WDPCP: variants seen among roughly 807,000 people sequenced by gnomAD.
WDPCP encodes WD repeat-containing and planar cell polarity effector protein fritz homolog.
In WDPCP, 71 loss-of-function variants were observed where a neutral mutation model predicts 93.1. The ratio of observed to expected loss-of-function variants is 0.76; its 90% confidence interval spans 0.63 to 0.93. The LOEUF (loss-of-function observed/expected upper bound fraction) is 0.93, where lower values mean the gene tolerates loss of function less well. Among genes scored for constraint, WDPCP ranks in the 40% least tolerant of loss-of-function variants. The pLI is 0.00. For synonymous variants in WDPCP, 315 were observed against 315.0 expected (o/e 1.00, Z 0.00); for missense variants, 844 against 887.4 (o/e 0.95, Z 0.62).
In WDPCP at chr2:63,182,313, A is replaced by G. The variant is rs548621423; in HGVS notation, c.1916-7481T>C. ...TATATTGCTTTTATTATTTTGCAGT[A>G]TGTTCCCTCTATGCCTAGTTTGTTG... On this transcript the variant is annotated intron_variant, in intron 14 of 17. Transcript: ENST00000272321. 3.3e-5 allele frequency among the ~76,000 whole-genome samples: 5 copies of G among 152,180 alleles called. No individual in the cohort carries two copies. The Middle Eastern group carries it at 0.01, about 311-fold the overall frequency.
intron 3 of WDPCP, among the ~76,000 whole-genome samples, chr2:63,630,613 C>T (rs1709853938): frequency 6.6e-6 from 1 of 151,488 alleles, no homozygotes; most frequent in South Asian, 2.1e-4. Context: ...AACAGAGATG[C>T]AAAATATGTG....
At chr2:63,368,450 T>C (rs1163812298) in intron 12 of WDPCP, among the ~76,000 whole-genome samples, 3 of 151,882 alleles carry the variant, frequency 2.0e-5, no homozygotes, top group Non-Finnish European at 4.4e-5. Flanking sequence ...CTCAACCTCC[T>C]GAGTAGCTGG....
chr2:63,350,090 A>C (rs1689475065), intron 12 of WDPCP, among the ~76,000 whole-genome samples: 1 of 152,194 alleles, frequency 6.6e-6, no homozygotes, highest in Non-Finnish European at 1.5e-5. Context: ...GCACATATAC[A>C]CCATGGAATA....
At chr2:63,427,077 C>G (rs184173356) in intron 9 of WDPCP, among the ~76,000 whole-genome samples, 66 of 152,306 alleles carry the variant, frequency 4.3e-4, no homozygotes, top group Admixed American at 1.6e-3. Context: ...CACTGGAGCA[C>G]CCACATTCAT....
At chr2:63,542,827 T>A (rs1281866546) in intron 1 of WDPCP, among the ~76,000 whole-genome samples, 4 of 152,170 alleles carry the variant, frequency 2.6e-5, no homozygotes, top group Non-Finnish European at 5.9e-5. Context: ...CATATACATC[T>A]GTTTCACAAA....
intron 6 of WDPCP, among the ~76,000 whole-genome samples, chr2:63,481,847 A>C (rs1224076328): frequency 6.6e-6 from 1 of 151,976 alleles, no homozygotes; most frequent in Non-Finnish European, 1.5e-5. Flanking sequence ...CAAAGAACTT[A>C]TTCATGTAAC....
At chr2:63,838,598 A>G in the WDPCP span, among the ~76,000 whole-genome samples, 1 of 151,876 alleles carries the variant, frequency 6.6e-6, no homozygotes, top group Non-Finnish European at 1.5e-5. Context: ...CTGCAAAGGT[A>G]AAATCTATAA....
At chr2:63,335,031 A>G (rs1215149073) in intron 12 of WDPCP, among the ~76,000 whole-genome samples, 2 of 152,154 alleles carry the variant, frequency 1.3e-5, no homozygotes, top group African/African-American at 4.8e-5. Context: ...ACAAATGCAT[A>G]TCTGATTGCT....
chr2:63,757,811 A>G (rs1669991576), intron 2 of WDPCP, among the ~76,000 whole-genome samples: 1 of 152,208 alleles, frequency 6.6e-6, no homozygotes, highest in African/African-American at 2.4e-5. Flanking sequence ...TACCATAGCG[A>G]TCACAGAAAC....
chr2:63,372,605 T>C (rs1280268872), intron 12 of WDPCP, among the ~76,000 whole-genome samples: 1 of 152,192 alleles, frequency 6.6e-6, no homozygotes, highest in East Asian at 1.9e-4. Context: ...TTATACAGTA[T>C]TGTTCAAATC....
At chr2:63,520,443 C>T (rs1256084141) in intron 1 of WDPCP, among the ~76,000 whole-genome samples, 1 of 152,134 alleles carries the variant, frequency 6.6e-6, no homozygotes, top group East Asian at 1.9e-4. Flanking sequence ...TCATCAGATT[C>T]TCCAAGGTCA....
At chr2:63,395,637 C>G (rs996452022) in intron 10 of WDPCP, among the ~76,000 whole-genome samples, 1 of 152,024 alleles carries the variant, frequency 6.6e-6, no homozygotes, top group Non-Finnish European at 1.5e-5. Context: ...CTGAAAAGGG[C>G]CTTGAGAGAA....
At chr2:63,240,853 A>G (rs1354560267) in intron 14 of WDPCP, among the ~76,000 whole-genome samples, 2 of 152,208 alleles carry the variant, frequency 1.3e-5, no homozygotes, top group Non-Finnish European at 2.9e-5. Flanking sequence ...TCCACAGGAA[A>G]AGACCACTAC....
At chr2:63,442,031 A>G (rs1331628222) in intron 6 of WDPCP, 2 of 152,132 alleles carry the variant, frequency 1.3e-5, no homozygotes, top group Non-Finnish European at 2.9e-5. Context: ...TCAGAGTCTG[A>G]CTGAGAAGGA....
chr2:63,385,744 A>T (rs1171778309), intron 10 of WDPCP, among the ~76,000 whole-genome samples: 1 of 152,000 alleles, frequency 6.6e-6, no homozygotes, highest in Non-Finnish European at 1.5e-5. Context: ...AGGTGAAACA[A>T]GCCAGTTTCA....
intron 3 of WDPCP, among the ~76,000 whole-genome samples, chr2:63,601,608 T>G (rs1396046756): frequency 6.6e-6 from 1 of 152,214 alleles, no homozygotes; most frequent in Non-Finnish European, 1.5e-5. Context: ...ATTAAGAAAC[T>G]ATATCTGCTG....
Position 63,676,679 on chromosome 2 carries a change from G to A in WDPCP, n.309-25841C>T, listed in dbSNP as rs535154617. Among the ~76,000 whole-genome samples the A allele has an allele frequency of 4.6e-5, 7 of 152,272 alleles. No individual in the cohort carries two copies. The South Asian group carries it at 1.2e-3, about 27-fold the overall frequency. ...TTGCTAGGGGTTAGAAAAGAAAGAG[G>A]ATGGGTATGGCTATAAAGGAATAAC... On this transcript the variant is annotated intron_variant and non_coding_transcript_variant, in intron 2 of 4. Transcript: ENST00000467687.
chr2:63,214,467 G>A (rs957524784), intron 14 of WDPCP, among the ~76,000 whole-genome samples: 1 of 152,122 alleles, frequency 6.6e-6, no homozygotes, highest in African/African-American at 2.4e-5. Context: ...TTCATGGGAT[G>A]TATCTCAAAA....
chr2:63,793,626 A>G (rs1670575215), intron 2 of WDPCP, among the ~76,000 whole-genome samples: 1 of 152,144 alleles, frequency 6.6e-6, no homozygotes, highest in South Asian at 2.1e-4. Flanking sequence ...TAATAAAATA[A>G]TAAAATGAAA....
Sources: gnomAD v4.1 joint callset for allele counts (sites outside exome capture counted in the v4.1 genomes callset) on GRCh38, gnomAD v4.1.1 for gene constraint, MANE v1.5 for transcripts, NCBI Gene and HGNC (gene_info 2026-07-23, HGNC 2026-07-21) for gene names.